Variants in PRKCSH observed in about 807,000 individuals in gnomAD.
PRKCSH encodes the protein glucosidase 2 subunit beta.
In PRKCSH, 42 loss-of-function variants were observed where a neutral mutation model predicts 79.7. The observed-to-expected ratio is 0.53, with a 90% CI of 0.41 to 0.68. The LOEUF (loss-of-function observed/expected upper bound fraction) is 0.68, where lower values mean the gene tolerates loss of function less well. Among genes scored for constraint, PRKCSH ranks in the 30% least tolerant of loss-of-function variants. The pLI, the probability that PRKCSH is intolerant of heterozygous loss-of-function variation, is 0.00. For synonymous variants in PRKCSH, 325 were observed against 288.2 expected, an observed-to-expected ratio of 1.13 and a Z score of -1.29; for missense variants, 686 against 709.0, an observed-to-expected ratio of 0.97 and a Z score of 0.37.
chr19:11,449,465 G>C lies in PRKCSH; in HGVS notation c.*16+37G>C. The C allele has an allele frequency of 6.2e-7, 1 of 1,611,766 alleles. No homozygotes were observed. Among genetic ancestry groups the C allele is most frequent in the Admixed American group, 1.7e-5 (1 of 59,976 alleles). ...GGTGGAGTCTCGTCGGCCTGCCCCA[G>C]CAAGGGGAGGCGGCGGGCCCTGAGG... On this transcript the variant is annotated intron_variant, in intron 17 of 17. Transcript: ENST00000677123. The surrounding 1 kb of genome is among the most constrained non-coding windows in gnomAD (Gnocchi z 6.4).
chr19:11,445,065 C>T (rs1970231662), intron 7 of PRKCSH, among the ~76,000 whole-genome samples: 1 of 152,152 alleles, frequency 6.6e-6, no homozygotes, highest in South Asian at 2.1e-4. Context: ...CACCTCTGTC[C>T]CAACAGTGGC....
Position 11,436,432 on chromosome 19 carries a change from C to A in PRKCSH, c.123C>A (p.Asp41Glu), listed in dbSNP as rs760613333. 1 of 1,614,214 alleles carries A rather than the reference C, an allele frequency of 6.2e-7. No individual in the cohort carries two copies. Among genetic ancestry groups the A allele is most frequent in the Admixed American group, 1.7e-5 (1 of 60,028 alleles). ...AGTCCAAGCCTTTCACCTGCCTGGA[C>A]GGTTCGGCCACCATCCCATTTGATC... ...YDESKPFTCL[D>E]GSATIPFDQV... The change falls in exon 3 of 18, where the codon GAC (aspartate) becomes GAA (glutamate). Residue 41 changes from aspartate to glutamate, a missense_variant. This residue lies in a region of PRKCSH where 549 missense variants were observed against 520.2 expected (regional missense o/e 1.06). Transcript: ENST00000677123.
intron 8 of PRKCSH, 26 bp downstream of exon 8, chr19:11,445,499 C>T: frequency 6.2e-7 from 1 of 1,610,102 alleles, no homozygotes; most frequent in Non-Finnish European, 8.5e-7. Context: ...TTGGAGCTGC[C>T]CACCTTTCCG....
chr19:11,447,244 G>A lies in PRKCSH; in HGVS notation c.849+84G>A, dbSNP rs1285719052. 7 of 1,512,240 alleles carry A rather than the reference G, an allele frequency of 4.6e-6. No homozygotes were observed. In the African/African-American group the frequency reaches 5.5e-5, roughly 12 times the overall value. 93.7% of individuals were successfully genotyped at this position (1,512,240 alleles called of 1,614,324 possible). A position where few individuals can be genotyped will look rare whatever the true frequency, so the allele number is the denominator to read the frequency against. On this transcript the variant is annotated intron_variant, in intron 10 of 17. Coordinates refer to ENST00000677123, the MANE Select transcript of PRKCSH (RefSeq NM_001289104.2). This position sits in a 1 kb window ranked among gnomAD's most constrained non-coding sequence, Gnocchi z 5.6. ...TCACAAAGGAGCTGCCTCTGGTTCT[G>A]GCACCTGGCCACCCTGGCCAGCTGG...
intron 1 of PRKCSH, 138 bp from the exon 2 acceptor site, chr19:11,435,903 G>A: frequency 1.1e-6 from 1 of 932,932 alleles, no homozygotes; most frequent in Admixed American, 2.2e-5. Context: ...AGTGAGACTG[G>A]CCAGGATTGG....
rs1445983867 is a variant in PRKCSH at position 11,450,950 on chromosome 19, A to G, written c.*321A>G. 1 of 152,308 alleles carries G rather than the reference A, an allele frequency of 6.6e-6. No homozygotes were observed. The highest frequency in any genetic ancestry group is 6.5e-5 in the Admixed American group (1 of 15,282). The allele number at this position is 152,308 out of a possible 1,614,324, so 9.4% of individuals were successfully genotyped here. ...TTGACCTGTGACCTCAATACAATAA[A>G]TGTGATCCCCCACCCAAACTTGTCT... On this transcript the variant is annotated 3_prime_UTR_variant, in exon 18 of 18. Transcript: ENST00000677123.
At chr19:11,441,869 G>A (rs930374671) in intron 6 of PRKCSH, among the ~76,000 whole-genome samples, 1 of 152,202 alleles carries the variant, frequency 6.6e-6, no homozygotes, top group Non-Finnish European at 1.5e-5. Flanking sequence ...ATTGCTAGTG[G>A]GAGGGACAGC....
intron 3 of PRKCSH, among the ~76,000 whole-genome samples, chr19:11,437,311 T>C (rs1969813077): frequency 6.6e-6 from 1 of 151,924 alleles, no homozygotes; most frequent in African/African-American, 2.4e-5. Flanking sequence ...GTGTTGGGAT[T>C]ACAGGCGTGA....
At position 11,442,443 on chromosome 19, in the gene PRKCSH, C is replaced by G. The variant is rs904067424; in HGVS notation, c.526C>G (p.Leu176Val). Residue 176 changes from leucine (L) to valine (V), a missense_variant, in exon 7 of 18, where the codon CTG (leucine) becomes GTG (valine). Coordinates refer to ENST00000677123, the MANE Select transcript of PRKCSH (RefSeq NM_001289104.2). The part of the protein sequence containing the change: ...KKSLEDQVEM[L>V]RTVKEEAEKP... ...GTCTCTGGAAGACCAGGTGGAGATG[C>G]TGCGGACAGTGAAGGAGGAAGCTGA... 8 of 1,611,762 alleles carry G rather than the reference C, an allele frequency of 5.0e-6. No homozygotes were observed. Among genetic ancestry groups the G allele is most frequent in the Non-Finnish European group, 6.8e-6 (8 of 1,179,228 alleles).
At position 11,448,435 on chromosome 19, in the gene PRKCSH, G is replaced by T; in HGVS notation, c.1197-105G>T. On this transcript the variant is annotated intron_variant, in intron 13 of 17. Transcript: ENST00000677123. The surrounding 1 kb of genome is among the most constrained non-coding windows in gnomAD (Gnocchi z 4.4). ...AGGGTCCCTGGGAGGTGGCAGGGAG[G>T]ACAGCCTGGGCACCATTGCTCAGCC... 1 of 1,452,580 alleles carries T rather than the reference G, an allele frequency of 6.9e-7. No individual in the cohort carries two copies. The highest frequency in any genetic ancestry group is 9.6e-7 in the Non-Finnish European group (1 of 1,040,032). 90.0% of individuals were successfully genotyped at this position (1,452,580 alleles called of 1,614,324 possible).
chr19:11,439,135 G>T (rs1324912985), intron 5 of PRKCSH, among the ~76,000 whole-genome samples: 1 of 152,128 alleles, frequency 6.6e-6, no homozygotes, highest in Non-Finnish European at 1.5e-5. Flanking sequence ...TCGAACGCCT[G>T]ACCTCAGGTG....
rs1478044984 is a variant in PRKCSH at position 11,436,183 on chromosome 19, C to A, written c.66C>A (p.Gly22=). ...CWAVEVKRPR[G]VSLTNHHFYD... is the part of the protein sequence containing the mutation. ...CCGTGGAGGTCAAGAGGCCCCGGGG[C>A]GTCTCCCTCACCAGTGAGTCCTCCT... Residue 22 remains glycine (G), a synonymous_variant, in exon 2 of 18, where the codon GGC becomes GGA. Coordinates refer to ENST00000677123, the MANE Select transcript of PRKCSH (RefSeq NM_001289104.2). The A allele has an allele frequency of 6.3e-7, 1 of 1,589,494 alleles. No homozygotes were observed. Among genetic ancestry groups the A allele is most frequent in the Non-Finnish European group, 8.6e-7 (1 of 1,169,032 alleles).
intron 8 of PRKCSH, chr19:11,445,980 A>T: frequency 3.6e-6 from 2 of 554,878 alleles, no homozygotes; most frequent in South Asian, 4.2e-5. Context: ...GGCAGCTTCA[A>T]TGTGCCGGGT....
chr19:11,443,222 G>A (rs1294657270), intron 7 of PRKCSH, among the ~76,000 whole-genome samples: 1 of 151,346 alleles, frequency 6.6e-6, no homozygotes, highest in Admixed American at 6.6e-5. Flanking sequence ...AGACCACCCT[G>A]GCCAACATGG....
intron 8 of PRKCSH, 135 bp from the exon 9 acceptor site, chr19:11,446,137 C>T: frequency 2.3e-6 from 2 of 871,274 alleles, no homozygotes; most frequent in South Asian, 1.4e-5. Flanking sequence ...GGTGGGGAGG[C>T]CCCTACACCT....
At position 11,447,155 on chromosome 19, in the gene PRKCSH, TC is replaced by T; in HGVS notation, c.846del (p.Glu283ArgfsTer15). 1.9e-6 allele frequency: 3 copies of T among 1,613,738 alleles called. No individual in the cohort carries two copies. Among genetic ancestry groups the T allele is most frequent in the Non-Finnish European group, 2.5e-6 (3 of 1,179,784 alleles). On this transcript the variant is annotated frameshift_variant, in exon 10 of 18. Transcript: ENST00000677123. LOFTEE classifies it high-confidence loss of function. The surrounding 1 kb of genome is among the most constrained non-coding windows in gnomAD (Gnocchi z 5.6). ...GGCCGCCATCAGGGACAAGTACCGGTCCGAGGTCAGTGGAGGAGAAGGGAGG... is the reference window on the plus strand; with the variant it reads ...GGCCGCCATCAGGGACAAGTACCGGTCGAGGTCAGTGGAGGAGAAGGGAGG... ...VWAAIRDKYR[S>X]EALPTDLPAP...
At position 11,447,551 on chromosome 19, in the gene PRKCSH, AGG is replaced by A; in HGVS notation, c.963_964del (p.Glu322GlyfsTer5). 6.2e-7 allele frequency: 1 copy of A among 1,604,620 alleles called. No homozygotes were observed. The highest frequency in any genetic ancestry group is 8.5e-7 in the Non-Finnish European group (1 of 1,174,494). On this transcript the variant is annotated frameshift_variant, in exon 11 of 18. Transcript: ENST00000677123. LOFTEE classifies it high-confidence loss of function. The surrounding 1 kb of genome is among the most constrained non-coding windows in gnomAD (Gnocchi z 5.6). ...GAGGAGGAGGAGGAGGAGGAGGAGG[AGG>A]AGGAAGAAGAGGCTGAAGAAGAGGA...
rs1970051180 is a variant in PRKCSH, at chr19:11,441,319, C to A, written c.430C>A (p.Leu144Ile). 1.2e-6 allele frequency: 2 copies of A among 1,613,804 alleles called. No individual in the cohort carries two copies. The highest frequency in any genetic ancestry group is 1.7e-6 in the Non-Finnish European group (2 of 1,179,880). The change falls in exon 6 of 18, where the codon CTT (leucine) becomes ATT (isoleucine). Residue 144 changes from leucine (L) to isoleucine (I), a missense_variant. This residue lies in a region of PRKCSH where 549 missense variants were observed against 520.2 expected (regional missense o/e 1.06). Coordinates refer to ENST00000677123, the MANE Select transcript of PRKCSH (RefSeq NM_001289104.2). ...TREGFRLKKI[L>I]IEDWKKAREE... ...CGAAGGGTTCCGTCTGAAGAAGATC[C>A]TTATTGAGGACTGGAAGAAGGCACG...
rs1970437759 is a variant in PRKCSH, at chr19:11,448,610, T to C, written c.1267T>C (p.Tyr423His). 1 of 1,614,166 alleles carries C rather than the reference T, an allele frequency of 6.2e-7. No homozygotes were observed. The highest frequency in any genetic ancestry group is 8.5e-7 in the Non-Finnish European group (1 of 1,179,984). Residue 423 changes from tyrosine to histidine, a missense_variant, in exon 14 of 18, where the codon TAC (tyrosine) becomes CAC (histidine). Tyr to His is a moderately conservative substitution (Grantham distance 83). Transcript: ENST00000677123. This position sits in a 1 kb window ranked among gnomAD's most constrained non-coding sequence, Gnocchi z 4.4. ...GTTTGCTTACCTGTACAGCCAGTGC[T>C]ACGAGCTCACCACCAACGAGTGCGT... The part of the protein sequence containing the change: ...GEFAYLYSQC[Y>H]ELTTNEYVYR...
Sources: allele counts gnomAD v4.1 joint callset (sites outside exome capture counted in the v4.1 genomes callset), GRCh38; gene constraint gnomAD v4.1.1; regional missense constraint gnomAD v4.1.1; non-coding constraint Gnocchi (gnomAD v3.1); transcripts MANE v1.5; gene names NCBI Gene and HGNC (gene_info 2026-07-23, HGNC 2026-07-21).